CILP2: variants seen among roughly 807,000 people sequenced by gnomAD.
The protein encoded by CILP2 is CILP-2.
A neutral mutation model predicts 45.6 loss-of-function variants in CILP2; 38 were observed. That is an observed-to-expected ratio of 0.83 (90% CI 0.64 to 1.09). The LOEUF (loss-of-function observed/expected upper bound fraction) is 1.09. Among genes scored for constraint, CILP2 ranks in the 50% least tolerant of loss-of-function variants. CILP2 has a pLI of 0.00. For synonymous variants in CILP2, 780 were observed against 723.5 expected (o/e 1.08, Z -1.25); for missense variants, 1,735 against 1,662.2 (o/e 1.04, Z -0.76).
At position 19,545,497 on chromosome 19, in the gene CILP2, G is replaced by A. The variant is rs760558933; in HGVS notation, c.2952G>A (p.Pro984=). Residue 984 remains proline, a synonymous_variant, in exon 8 of 8, where the codon CCG becomes CCA. Transcript: ENST00000291495. ...DARSVRDPER[P]GTSAACVEFK... The stretch of plus-strand genomic sequence containing the variant: ...GGAGTGTGCGAGACCCCGAGCGTCC[G>A]GGCACCTCGGCAGCCTGCGTGGAGT... The A allele has an allele frequency of 2.5e-6, 4 of 1,612,300 alleles. No individual in the cohort carries two copies. Among genetic ancestry groups the A allele is most frequent in the South Asian group, 2.2e-5 (2 of 91,056 alleles).
At position 19,545,500 on chromosome 19, in the gene CILP2, C is replaced by T. The variant is rs766377203; in HGVS notation, c.2955C>T (p.Gly985=). The change falls in exon 8 of 8, where the codon GGC becomes GGT. Residue 985 remains glycine (G), a synonymous_variant. Transcript: ENST00000291495. ...GTGTGCGAGACCCCGAGCGTCCGGG[C>T]ACCTCGGCAGCCTGCGTGGAGTTCA... is the stretch of plus-strand genomic sequence containing the variant. ...ARSVRDPERP[G]TSAACVEFKC... The T allele has an allele frequency of 3.7e-6, 6 of 1,612,534 alleles. No individual in the cohort carries two copies. In the East Asian group the frequency reaches 6.7e-5, roughly 18 times the overall value.
Position 19,542,367 on chromosome 19 carries a change from C to T in CILP2, c.593-8C>T, listed in dbSNP as rs779241743. 6 of 1,602,454 alleles carry T rather than the reference C, an allele frequency of 3.7e-6. No individual in the cohort carries two copies. In the Admixed American group the frequency reaches 8.4e-5, roughly 22 times the overall value. On this transcript the variant is annotated splice_region_variant and splice_polypyrimidine_tract_variant and intron_variant, in intron 4 of 7. Transcript: ENST00000291495. ...TCTCTGTCCTGCTTCCTCTCCATAT[C>T]CCCCCAGGGTGCAGCCTTGACACCT...
chr19:19,543,998 G>C lies in CILP2; in HGVS notation c.1453G>C (p.Gly485Arg), dbSNP rs749789165. The C allele has an allele frequency of 5.6e-6, 9 of 1,613,538 alleles. No homozygotes were observed. In the East Asian group the frequency reaches 1.6e-4, roughly 28 times the overall value. ...GGGCCGTGTTGTGGCTGCTGACTCC[G>C]GGGAGCCGCTACGCTTCGCCAGGAT... ...VRGRVVAADS[G>R]EPLRFARILL... is the part of the protein sequence containing the mutation. Residue 485 changes from glycine to arginine, a missense_variant, in exon 8 of 8, where the codon GGG (glycine) becomes CGG (arginine). Physicochemically the swap from Gly to Arg is moderately radical, Grantham distance 125. Coordinates refer to ENST00000291495, the MANE Select transcript of CILP2 (RefSeq NM_153221.2).
At chr19:19,540,860 C>T (rs2061240868) in intron 3 of CILP2, 3 of 415,656 alleles carry the variant, frequency 7.2e-6, no homozygotes, top group Non-Finnish European at 1.2e-5. Flanking sequence ...GACTGATCCC[C>T]GGGACCTTAT....
In CILP2 at chr19:19,544,961, A is replaced by G. The variant is rs774242977; in HGVS notation, c.2416A>G (p.Thr806Ala). 1.9e-5 allele frequency: 30 copies of G among 1,596,616 alleles called. No individual in the cohort carries two copies. Among genetic ancestry groups the G allele is most frequent in the Non-Finnish European group, 2.5e-5 (29 of 1,178,160 alleles). Residue 806 changes from threonine (T) to alanine (A), a missense_variant, in exon 8 of 8, where the codon ACC (threonine) becomes GCC (alanine). By Grantham distance (58) the Thr-to-Ala change is moderately conservative. Coordinates refer to ENST00000291495, the MANE Select transcript of CILP2 (RefSeq NM_153221.2). ...FCDADRPDAY[T>A]ALVTATLGGE... ...CGACGCCGACAGGCCAGACGCCTAC[A>G]CCGCCCTGGTCACCGCCACCCTGGG...
intron 4 of CILP2, 95 bp from the exon 5 acceptor site, chr19:19,542,280 A>G: frequency 6.9e-7 from 1 of 1,446,884 alleles, no homozygotes; most frequent in Non-Finnish European, 9.2e-7. Flanking sequence ...GGGGGGCCCC[A>G]GGCATATTTG....
In CILP2 at chr19:19,544,400, G is replaced by A. The variant is rs745455530; in HGVS notation, c.1855G>A (p.Ala619Thr). ...FVDPRDLTSA[A>T]SAPSDLRFVD... ...GGACCCCCGAGACCTCACCTCGGCGGCGTCTGCCCCCAGTGACCTGCGCTT... is the reference window on the plus strand; with the variant it reads ...GGACCCCCGAGACCTCACCTCGGCGACGTCTGCCCCCAGTGACCTGCGCTT... The change falls in exon 8 of 8, where the codon GCG becomes ACG. Residue 619 changes from alanine to threonine, a missense_variant. Coordinates refer to ENST00000291495, the MANE Select transcript of CILP2 (RefSeq NM_153221.2). 25 of 1,610,304 alleles carry A rather than the reference G, an allele frequency of 1.6e-5. No individual in the cohort carries two copies. The highest frequency in any genetic ancestry group is 2.0e-5 in the Non-Finnish European group (24 of 1,179,576).
At position 19,544,913 on chromosome 19, in the gene CILP2, G is replaced by T. The variant is rs950808913; in HGVS notation, c.2368G>T (p.Gly790Cys). 1 of 1,589,926 alleles carries T rather than the reference G, an allele frequency of 6.3e-7. No homozygotes were observed. The highest frequency in any genetic ancestry group is 8.5e-7 in the Non-Finnish European group (1 of 1,175,716). ...TGACAGCGCGGTCACCGGCCCCAAT[G>T]GCGCCTGCCTCCCCGCCTTCTGCGA... is the stretch of plus-strand genomic sequence containing the variant. ...RFDSAVTGPN[G>C]ACLPAFCDAD... Residue 790 changes from glycine to cysteine, a missense_variant, in exon 8 of 8, where the codon GGC becomes TGC. Gly to Cys is a radical substitution (Grantham distance 159). Coordinates refer to ENST00000291495, the MANE Select transcript of CILP2 (RefSeq NM_153221.2).
Position 19,544,579 on chromosome 19 carries a change from C to T in CILP2, c.2034C>T (p.Ala678=), listed in dbSNP as rs1190213515. Residue 678 remains alanine (A), a synonymous_variant, in exon 8 of 8, where the codon GCC becomes GCT. Coordinates refer to ENST00000291495, the MANE Select transcript of CILP2 (RefSeq NM_153221.2). ...SQIHMPGHVE[A]LKLWSLNPET... is the part of the protein sequence containing the mutation. ...TCCACATGCCAGGCCACGTGGAGGC[C>T]CTCAAGCTGTGGTCGCTGAACCCCG... is the stretch of plus-strand genomic sequence containing the variant. 6.3e-7 allele frequency: 1 copy of T among 1,576,176 alleles called. No homozygotes were observed. Among genetic ancestry groups the T allele is most frequent in the East Asian group, 2.2e-5 (1 of 44,536 alleles).
Position 19,540,250 on chromosome 19 carries a change from C to A in CILP2, c.210C>A (p.Gly70=), listed in dbSNP as rs144097671. ...GGTTCAACGTGGACCACCCCGGAGG[C>A]GACGGCGACTTCGAGAGCCTGGCTG... ...TSWFNVDHPG[G]DGDFESLAAI... The change falls in exon 3 of 8, where the codon GGC becomes GGA. Residue 70 remains glycine (G), a synonymous_variant. Coordinates refer to ENST00000291495, the MANE Select transcript of CILP2 (RefSeq NM_153221.2). The A allele has an allele frequency of 3.1e-5, 49 of 1,603,154 alleles. No homozygotes were observed. Among genetic ancestry groups the A allele is most frequent in the Admixed American group, 5.0e-5 (3 of 59,618 alleles).
rs781331790 is a variant in CILP2 at position 19,544,537 on chromosome 19, G to T, written c.1992G>T (p.Arg664=). The part of the protein sequence containing the change: ...EQLQVGPVAV[R]VAASQIHMPG... Reference sequence around the variant, plus strand: ...TGCAGGTGGGGCCGGTGGCCGTGCGGGTGGCCGCCAGCCAGATCCACATGC... The same window carrying T: ...TGCAGGTGGGGCCGGTGGCCGTGCGTGTGGCCGCCAGCCAGATCCACATGC... The change falls in exon 8 of 8, where the codon CGG becomes CGT. Residue 664 remains arginine (R), a synonymous_variant. Coordinates refer to ENST00000291495, the MANE Select transcript of CILP2 (RefSeq NM_153221.2). 5.0e-6 allele frequency: 8 copies of T among 1,586,308 alleles called. No homozygotes were observed. Among genetic ancestry groups the T allele is most frequent in the Middle Eastern group, 1.7e-4 (1 of 5,982 alleles).
At position 19,545,427 on chromosome 19, in the gene CILP2, GC is replaced by G. The variant is rs779804158; in HGVS notation, c.2884del (p.His962ThrfsTer49). On this transcript the variant is annotated frameshift_variant, in exon 8 of 8. Transcript: ENST00000291495. LOFTEE classifies it low-confidence loss of function (END_TRUNC). ...YMVRSHNAGG[S>X]HPRTRGQLYG... ...GTCCGCTCCCACAACGCAGGGGGCA[GC>G]CACCCACGCACCCGCGGCCAGCTCT... 3.1e-6 allele frequency: 5 copies of G among 1,612,542 alleles called. No homozygotes were observed. In the South Asian group the frequency reaches 5.5e-5, roughly 18 times the overall value.
chr19:19,540,705 G>T (rs746068017), intron 3 of CILP2: 2 of 533,544 alleles, frequency 3.7e-6, no homozygotes, highest in African/African-American at 4.0e-5. Flanking sequence ...CAAGTGCACC[G>T]TCAGGAGGCC....
chr19:19,538,526 G>T, intron 1 of CILP2, 113 bp downstream of exon 1: 1 of 804,234 alleles, frequency 1.2e-6, no homozygotes, highest in East Asian at 3.3e-5. Flanking sequence ...GCGCTTCCCC[G>T]GGGACTGGGT....
chr19:19,544,314 C>T lies in CILP2; in HGVS notation c.1769C>T (p.Ala590Val), dbSNP rs375060765. The T allele has an allele frequency of 3.1e-6, 5 of 1,612,792 alleles. No individual in the cohort carries two copies. The African/African-American group carries it at 4.0e-5, about 13-fold the overall frequency. ...PLGELVLPSG[A>V]FRRADGKPYS... The stretch of plus-strand genomic sequence containing the variant: ...GGCGAGCTGGTCCTGCCTTCTGGCG[C>T]TTTCCGCAGAGCCGACGGCAAACCC... Residue 590 changes from alanine to valine, a missense_variant, in exon 8 of 8, where the codon GCT (alanine) becomes GTT (valine). Coordinates refer to ENST00000291495, the MANE Select transcript of CILP2 (RefSeq NM_153221.2).
chr19:19,546,036 T>G lies in CILP2; in HGVS notation c.*20T>G, dbSNP rs982468876. ...CAGTGACCTGGGCAGGGGCCTCGCT[T>G]TCCCACCTCCCTCCAGACTCCTTTG... is the stretch of plus-strand genomic sequence containing the variant. On this transcript the variant is annotated 3_prime_UTR_variant, in exon 8 of 8. Transcript: ENST00000291495. 2.1e-6 allele frequency: 3 copies of G among 1,434,182 alleles called. No individual in the cohort carries two copies. The African/African-American group carries it at 4.3e-5, about 21-fold the overall frequency. The allele number at this position is 1,434,182 out of a possible 1,614,324, so 88.8% of individuals were successfully genotyped here.
In CILP2 at chr19:19,540,381, A is replaced by C; in HGVS notation, c.341A>C (p.His114Pro). 1 of 1,534,012 alleles carries C rather than the reference A, an allele frequency of 6.5e-7. No homozygotes were observed. The highest frequency in any genetic ancestry group is 8.7e-7 in the Non-Finnish European group (1 of 1,144,334). The change falls in exon 3 of 8, where the codon CAC (histidine) becomes CCC (proline). Residue 114 changes from histidine to proline, a missense_variant. His to Pro is a moderately conservative substitution (Grantham distance 77). Coordinates refer to ENST00000291495, the MANE Select transcript of CILP2 (RefSeq NM_153221.2). Reference sequence around the variant, plus strand: ...CCGTCCGCCGTCGGCGAGCGCGTGCACTTGAACCCCACGCGCGGCTTCTGG... The same window carrying C: ...CCGTCCGCCGTCGGCGAGCGCGTGCCCTTGAACCCCACGCGCGGCTTCTGG... ...ALPSAVGERV[H>P]LNPTRGFWCL...
Position 19,544,492 on chromosome 19 carries a change from G to T in CILP2, c.1947G>T (p.Ala649=), listed in dbSNP as rs368335152. ...GCATGTTCTCCGTGGACCTCCGTGC[G>T]CCCGGCTCCGCGGAGCAGCTGCAGG... ...TYGMFSVDLR[A]PGSAEQLQVG... The change falls in exon 8 of 8, where the codon GCG becomes GCT. Residue 649 remains alanine (A), a synonymous_variant. Coordinates refer to ENST00000291495, the MANE Select transcript of CILP2 (RefSeq NM_153221.2). The T allele has an allele frequency of 1.1e-5, 18 of 1,603,982 alleles. No individual in the cohort carries two copies. The African/African-American group carries it at 1.6e-4, about 14-fold the overall frequency.
In CILP2 at chr19:19,539,647, C is replaced by G. The variant is rs375845953; in HGVS notation, c.65-32C>G. The G allele has an allele frequency of 4.0e-6, 6 of 1,488,938 alleles. No homozygotes were observed. In the African/African-American group the frequency reaches 8.6e-5, roughly 21 times the overall value. 92.2% of individuals were successfully genotyped at this position (1,488,938 alleles called of 1,614,324 possible). A position where few individuals can be genotyped will look rare whatever the true frequency, so the allele number is the denominator to read the frequency against. On this transcript the variant is annotated intron_variant, in intron 1 of 7. Coordinates refer to ENST00000291495, the MANE Select transcript of CILP2 (RefSeq NM_153221.2). ...TCCCAGCGGTCCCCATCAGTAGCAG[C>G]GTGCTTCCTTCTCCCCACTCCTCAC...
Sources: gnomAD v4.1 joint callset for allele counts on GRCh38, gnomAD v4.1.1 for gene constraint, MANE v1.5 for transcripts, NCBI Gene and HGNC (gene_info 2026-07-23, HGNC 2026-07-21) for gene names.